Variants in METTL6 observed in about 807,000 individuals in gnomAD.
The protein encoded by METTL6 is methyltransferase 6, tRNA N3-cytidine, also known as tRNA N(3)-cytidine methyltransferase METTL6.
METTL6 carries 22 observed loss-of-function variants against 26.4 expected under a neutral mutation model. The observed-to-expected ratio is 0.83, with a 90% CI of 0.59 to 1.19. METTL6 has a LOEUF of 1.19. METTL6 is among the 50% of genes most tolerant of loss of function. METTL6 has a pLI of 0.00. For synonymous variants in METTL6, 109 were observed against 116.2 expected (o/e 0.94, Z 0.40); for missense variants, 304 against 324.8 (o/e 0.94, Z 0.49).
intron 4 of METTL6, 190 bp from the exon 5 acceptor site, chr3:15,414,352 C>A: frequency 7.5e-7 from 1 of 1,329,840 alleles, no homozygotes; most frequent in Non-Finnish European, 9.6e-7. Flanking sequence ...AACACTAAGA[C>A]ACTTCTTTTT....
chr3:15,386,251 T>C (rs548798649), intron 6 of METTL6, among the ~76,000 whole-genome samples: 1 of 152,264 alleles, frequency 6.6e-6, no homozygotes, highest in African/African-American at 2.4e-5. Flanking sequence ...TCTTTTAGCA[T>C]GCTAATGCAT....
chr3:15,424,812 TA>T, intron 3 of METTL6, 142 bp downstream of exon 3: 1 of 1,026,670 alleles, frequency 9.7e-7, no homozygotes, highest in Non-Finnish European at 1.5e-6. Flanking sequence ...TATATGTATG[TA>T]AGCAGGACAA....
chr3:15,408,760 A>G (rs1699869729), downstream of METTL6, among the ~76,000 whole-genome samples: 2 of 151,842 alleles, frequency 1.3e-5, no homozygotes, highest in South Asian at 4.1e-4. Flanking sequence ...TTTTTTTCAT[A>G]GAGATGGGGT....
intron 6 of METTL6, among the ~76,000 whole-genome samples, chr3:15,396,699 C>CT (rs1228947219): frequency 1.3e-5 from 2 of 152,184 alleles, no homozygotes; most frequent in Non-Finnish European, 2.9e-5. Context: ...TCTTTTCCTT[C>CT]TAACAGTCAG....
At chr3:15,400,150 T>C (rs1346148939) in intron 6 of METTL6, among the ~76,000 whole-genome samples, 1 of 152,104 alleles carries the variant, frequency 6.6e-6, no homozygotes, top group Non-Finnish European at 1.5e-5. Flanking sequence ...AGAGATTTTA[T>C]CTGCATAAGG....
intron 3 of METTL6, among the ~76,000 whole-genome samples, chr3:15,417,486 A>AATAAATAAATAG (rs574695685): frequency 0.034 from 5,105 of 150,916 alleles, 123 homozygotes; most frequent in East Asian, 0.074. Flanking sequence ...TAAATAAATA[A>AATAAATAAATAG]AATAGAATGA....
At chr3:15,395,873 C>G (rs1559480968) in intron 6 of METTL6, among the ~76,000 whole-genome samples, 1 of 152,236 alleles carries the variant, frequency 6.6e-6, no homozygotes, top group Non-Finnish European at 1.5e-5. Flanking sequence ...AGCTGTTAGT[C>G]TGATGGGCTT....
At chr3:15,425,667 G>A (rs1003922464) in intron 2 of METTL6, among the ~76,000 whole-genome samples, 2 of 152,174 alleles carry the variant, frequency 1.3e-5, no homozygotes, top group Non-Finnish European at 2.9e-5. Flanking sequence ...ACAGGCACAA[G>A]CCGCCTGCCT....
At chr3:15,381,958 G>T (rs1260403133) in exon 7 of METTL6, 1 of 151,934 alleles carries the variant, frequency 6.6e-6, no homozygotes, top group East Asian at 1.9e-4. Flanking sequence ...AGTCGAAGTA[G>T]CTTTCTGAAT....
chr3:15,383,452 G>A (rs1317603082), exon 7 of METTL6: 1 of 149,314 alleles, frequency 6.7e-6, no homozygotes, highest in Non-Finnish European at 1.5e-5. Context: ...TGCCCAGGCT[G>A]GTGTCTGGAA....
At chr3:15,390,234 C>T (rs1699307703) in intron 6 of METTL6, among the ~76,000 whole-genome samples, 1 of 151,952 alleles carries the variant, frequency 6.6e-6, no homozygotes, top group East Asian at 1.9e-4. Context: ...TTGAGACCAG[C>T]CTCGCCAACA....
In METTL6 at chr3:15,412,651, TA is replaced by T. The variant is rs1236529022; in HGVS notation, c.674-1215del. ...AGTGCATGCCACCACTCCTGGCTAATATTTTTTTTTTTTTATTTTTAGTAGA... is the reference window on the plus strand; with the variant it reads ...AGTGCATGCCACCACTCCTGGCTAATTTTTTTTTTTTTTATTTTTAGTAGA... On this transcript the variant is annotated intron_variant, in intron 5 of 5. Transcript: ENST00000383790. Among the ~76,000 whole-genome samples, 11 of 150,176 alleles carry T rather than the reference TA, an allele frequency of 7.3e-5. No homozygotes were observed. In the East Asian group the frequency reaches 1.8e-3, roughly 24 times the overall value.
chr3:15,417,566 T>C (rs2125005071), intron 3 of METTL6, among the ~76,000 whole-genome samples: 1 of 152,018 alleles, frequency 6.6e-6, no homozygotes, highest in Non-Finnish European at 1.5e-5. Flanking sequence ...TAAAACAACA[T>C]GGTTTGAGAA....
chr3:15,405,085 G>A (rs1490818024), downstream of METTL6, among the ~76,000 whole-genome samples: 2 of 152,134 alleles, frequency 1.3e-5, no homozygotes, highest in African/African-American at 2.4e-5. Flanking sequence ...CTCTGCTTTG[G>A]CCTTAATTCC....
At chr3:15,406,364 G>T (rs929322936), downstream of METTL6, among the ~76,000 whole-genome samples, 50 of 151,582 alleles carry the variant, frequency 3.3e-4, no homozygotes, top group Middle Eastern at 0.01. Context: ...CAGCGAGAAT[G>T]AACACAAGAA....
At chr3:15,417,290 AC>A (rs1700248166) in intron 3 of METTL6, among the ~76,000 whole-genome samples, 3 of 152,102 alleles carry the variant, frequency 2.0e-5, no homozygotes, top group Admixed American at 6.6e-5. Flanking sequence ...CCCCATCTCT[AC>A]TAAAAATACA....
chr3:15,408,440 A>G (rs1559486721), downstream of METTL6, among the ~76,000 whole-genome samples: 1 of 152,112 alleles, frequency 6.6e-6, no homozygotes, highest in Non-Finnish European at 1.5e-5. Flanking sequence ...GTTAGTAGTT[A>G]TCCCCATTAT....
At chr3:15,409,217 C>G (rs536748535), downstream of METTL6, among the ~76,000 whole-genome samples, 3 of 152,136 alleles carry the variant, frequency 2.0e-5, no homozygotes, top group Non-Finnish European at 4.4e-5. Flanking sequence ...GACTATTATC[C>G]AACCCCTTCA....
At chr3:15,415,173 T>C (rs1040876869) in intron 4 of METTL6, among the ~76,000 whole-genome samples, 2 of 152,258 alleles carry the variant, frequency 1.3e-5, no homozygotes, top group Non-Finnish European at 2.9e-5. Context: ...ATCACGGTGC[T>C]AATGACTGAT....
Sources: gnomAD v4.1 joint callset for allele counts (sites outside exome capture counted in the v4.1 genomes callset) on GRCh38, gnomAD v4.1.1 for gene constraint, MANE v1.5 for transcripts, NCBI Gene and HGNC (gene_info 2026-07-23, HGNC 2026-07-21) for gene names.